Variants in TNFRSF10D observed in about 807,000 individuals in gnomAD.
The protein encoded by TNFRSF10D is tumor necrosis factor receptor superfamily member 10D.
A neutral mutation model predicts 42.1 loss-of-function variants in TNFRSF10D; 28 were observed. That is an observed-to-expected ratio of 0.66 (90% CI 0.49 to 0.91). TNFRSF10D has a LOEUF of 0.91. TNFRSF10D is among the 40% of genes least tolerant of loss of function. TNFRSF10D has a pLI of 0.00. For synonymous variants in TNFRSF10D, 186 were observed against 189.4 expected, an observed-to-expected ratio of 0.98 and a Z score of 0.15; for missense variants, 503 against 486.1, an observed-to-expected ratio of 1.03 and a Z score of -0.33.
intron 7 of TNFRSF10D, among the ~76,000 whole-genome samples, chr8:23,139,776 C>A (rs1217221958): frequency 6.6e-6 from 1 of 152,102 alleles, no homozygotes; most frequent in Non-Finnish European, 1.5e-5. Context: ...CCTTGGAAAC[C>A]CTAAATACTC....
intron 2 of TNFRSF10D, among the ~76,000 whole-genome samples, chr8:23,148,825 A>ACAT (rs1554518856): frequency 6.6e-6 from 1 of 151,658 alleles, no homozygotes; most frequent in African/African-American, 2.4e-5. Context: ...ATTAATTTTA[A>ACAT]CTATTTTTTA....
chr8:23,148,955 C>A (rs1443531965), intron 2 of TNFRSF10D, among the ~76,000 whole-genome samples: 1 of 151,484 alleles, frequency 6.6e-6, no homozygotes, highest in Non-Finnish European at 1.5e-5. Context: ...CTTAGGGAGG[C>A]CAAGGCGGAC....
intron 1 of TNFRSF10D, among the ~76,000 whole-genome samples, chr8:23,159,965 G>A (rs1053626644): frequency 2.7e-5 from 4 of 149,876 alleles, no homozygotes; most frequent in African/African-American, 4.9e-5. Context: ...GGGGAGCTTC[G>A]CTTCCCTCTA....
chr8:23,142,577 T>C, intron 7 of TNFRSF10D, among the ~76,000 whole-genome samples: 1 of 152,082 alleles, frequency 6.6e-6, no homozygotes, highest in East Asian at 1.9e-4. Context: ...ATGGCAACAA[T>C]AGACACTGGG....
At position 23,136,048 on chromosome 8, in the gene TNFRSF10D, C is replaced by G. The variant is rs576149732; in HGVS notation, c.*1822G>C. 17 of 396,156 alleles carry G rather than the reference C, an allele frequency of 4.3e-5. No homozygotes were observed. The Admixed American group carries it at 4.8e-4, about 11-fold the overall frequency. 24.5% of individuals were successfully genotyped at this position (396,156 alleles called of 1,614,324 possible). ...CCATGGACACAACAATCTGAATGTG[C>G]GAACTTCAGGCAGTTCTAACTTTGT... On this transcript the variant is annotated 3_prime_UTR_variant, in exon 9 of 9. Coordinates refer to ENST00000312584, the MANE Select transcript of TNFRSF10D (RefSeq NM_003840.5).
rs749563942 is a variant in TNFRSF10D at position 23,147,024 on chromosome 8, T to C, written c.419A>G (p.Gln140Arg). The stretch of plus-strand genomic sequence containing the variant: ...ATCCTGGAAGCTTCCTTTTTCACAC[T>C]GACACACGGTGTCTCTGGTCGTGGT... ...SCTTTRDTVC[Q>R]CEKGSFQDKN... is the part of the protein sequence containing the mutation. The change falls in exon 4 of 9, where the codon CAG (glutamine) becomes CGG (arginine). Residue 140 changes from glutamine to arginine, a missense_variant. Physicochemically the swap from Gln to Arg is conservative, Grantham distance 43. Transcript: ENST00000312584. 1.2e-6 allele frequency: 2 copies of C among 1,613,784 alleles called. No individual in the cohort carries two copies.
intron 2 of TNFRSF10D, among the ~76,000 whole-genome samples, chr8:23,150,102 T>G (rs547779887): frequency 6.6e-6 from 1 of 152,292 alleles, no homozygotes; most frequent in South Asian, 2.1e-4. Flanking sequence ...AGCTTGTGCC[T>G]TCGGGCTAGC....
Position 23,163,962 on chromosome 8 carries a change from C to T in TNFRSF10D, c.-27G>A. On this transcript the variant is annotated 5_prime_UTR_variant, in exon 1 of 9. Transcript: ENST00000312584. ...AGAAGGGAGGAGGGTGGATCGAAAG[C>T]GCCAAAAATCAATCAGAAATCGTCC... is the stretch of plus-strand genomic sequence containing the variant. 1.3e-6 allele frequency: 2 copies of T among 1,527,870 alleles called. No homozygotes were observed. Among genetic ancestry groups the T allele is most frequent in the Non-Finnish European group, 1.8e-6 (2 of 1,141,964 alleles). 94.6% of individuals were successfully genotyped at this position (1,527,870 alleles called of 1,614,324 possible).
chr8:23,149,989 T>C, intron 2 of TNFRSF10D, among the ~76,000 whole-genome samples: 1 of 152,162 alleles, frequency 6.6e-6, no homozygotes. Context: ...TCATCCAACA[T>C]GTCCCTATGG....
At chr8:23,163,114 T>G (rs1175867314) in intron 1 of TNFRSF10D, among the ~76,000 whole-genome samples, 35 of 126,026 alleles carry the variant, frequency 2.8e-4, no homozygotes, top group African/African-American at 8.5e-4. Context: ...TTTTTTTTTT[T>G]TTGAGACGGA....
intron 2 of TNFRSF10D, among the ~76,000 whole-genome samples, chr8:23,154,305 G>T (rs182188190): frequency 1.7e-4 from 26 of 152,182 alleles, no homozygotes; most frequent in Non-Finnish European, 2.5e-4. Context: ...GTGTGACATG[G>T]TGACTACAGT....
intron 7 of TNFRSF10D, among the ~76,000 whole-genome samples, chr8:23,139,270 A>G (rs986408719): frequency 2.0e-5 from 3 of 152,042 alleles, no homozygotes; most frequent in African/African-American, 7.3e-5. Flanking sequence ...AGTTACAATA[A>G]AATACTTGAC....
At chr8:23,148,401 A>T in intron 3 of TNFRSF10D, 37 bp downstream of exon 3, 1 of 1,542,908 alleles carries the variant, frequency 6.5e-7, no homozygotes, top group Non-Finnish European at 8.9e-7. Flanking sequence ...ATCACTATGC[A>T]CTCCACCTCT....
At chr8:23,146,600 A>C (rs57890595) in intron 4 of TNFRSF10D, among the ~76,000 whole-genome samples, 25,119 of 152,146 alleles carry the variant, frequency 0.17, 2,409 homozygotes, top group East Asian at 0.37. Flanking sequence ...AGAGTAAGGA[A>C]AAATACAAGC....
At chr8:23,140,904 G>C (rs1012952645) in intron 7 of TNFRSF10D, among the ~76,000 whole-genome samples, 1 of 152,132 alleles carries the variant, frequency 6.6e-6, no homozygotes, top group Non-Finnish European at 1.5e-5. Context: ...CTTCATAGCA[G>C]TATGAAAATG....
At chr8:23,162,466 A>G (rs1261324810) in intron 1 of TNFRSF10D, among the ~76,000 whole-genome samples, 1 of 152,254 alleles carries the variant, frequency 6.6e-6, no homozygotes, top group Non-Finnish European at 1.5e-5. Context: ...GAAAGAAAAC[A>G]TGGAGACTCT....
At position 23,139,755 on chromosome 8, in the gene TNFRSF10D, A is replaced by G. The variant is rs559205665; in HGVS notation, c.955-1495T>C. Among the ~76,000 whole-genome samples the G allele has an allele frequency of 9.3e-4, 142 of 152,322 alleles. 1 individual carries two copies. Among genetic ancestry groups the G allele is most frequent in the African/African-American group, 3.2e-3 (135 of 41,574 alleles). ...GAAGTGAAAACTCTTCATGGACGAT[A>G]TGATTCTATACCTTGGAAACCCTAA... is the stretch of plus-strand genomic sequence containing the variant. On this transcript the variant is annotated intron_variant, in intron 7 of 8. Coordinates refer to ENST00000312584, the MANE Select transcript of TNFRSF10D (RefSeq NM_003840.5).
chr8:23,148,264 GA>G (rs1463502798), intron 3 of TNFRSF10D, among the ~76,000 whole-genome samples, 173 bp downstream of exon 3: 2 of 149,286 alleles, frequency 1.3e-5, no homozygotes, highest in Admixed American at 6.7e-5. Context: ...TAAAAGAAAA[GA>G]AAAAAAAGAT....
intron 1 of TNFRSF10D, among the ~76,000 whole-genome samples, chr8:23,156,767 T>C (rs191484863): frequency 5.1e-3 from 767 of 151,856 alleles, no homozygotes; most frequent in African/African-American, 0.016. Flanking sequence ...TGGGGTTTCA[T>C]CACGTTGCCC....
Sources: allele counts gnomAD v4.1 joint callset (sites outside exome capture counted in the v4.1 genomes callset), GRCh38; gene constraint gnomAD v4.1.1; transcripts MANE v1.5; gene names NCBI Gene and HGNC (gene_info 2026-07-23, HGNC 2026-07-21).